Variants in MAP4K3 observed in about 807,000 individuals in gnomAD.
MAP4K3 encodes mitogen-activated protein kinase kinase kinase kinase 3.
In MAP4K3, 94 loss-of-function variants were observed where a neutral mutation model predicts 143.5. The observed-to-expected ratio is 0.65, with a 90% CI of 0.55 to 0.78. The LOEUF (loss-of-function observed/expected upper bound fraction) is 0.78. MAP4K3 is among the 30% of genes least tolerant of loss of function. The pLI, the probability that MAP4K3 is intolerant of heterozygous loss-of-function variation, is 0.00. For synonymous variants in MAP4K3, 416 were observed against 347.2 expected (o/e 1.20, Z -2.20); for missense variants, 1,077 against 1,068.1 (o/e 1.01, Z -0.12).
At chr2:39,353,525 G>C (rs972174716) in intron 3 of MAP4K3, among the ~76,000 whole-genome samples, 3 of 152,046 alleles carry the variant, frequency 2.0e-5, no homozygotes, top group African/African-American at 7.2e-5. Context: ...ACTTTTGTCT[G>C]TTTTACTTTG....
chr2:39,431,299 A>AT (rs35795744), intron 1 of MAP4K3, among the ~76,000 whole-genome samples: 9 of 152,148 alleles, frequency 5.9e-5, no homozygotes, highest in Non-Finnish European at 7.4e-5. Context: ...ATCAGAAAGC[A>AT]TTTTTTTGTG....
chr2:39,280,143 A>T (rs920585814), intron 23 of MAP4K3, 129 bp downstream of exon 23: 3 of 397,158 alleles, frequency 7.6e-6, no homozygotes, highest in Non-Finnish European at 1.4e-5. Context: ...ACCTTAAAAT[A>T]AAAAAAAAAT....
Position 39,304,514 on chromosome 2 carries a change from C to T in MAP4K3, c.1119+3429G>A, listed in dbSNP as rs1037400086. Among the ~76,000 whole-genome samples, 6 of 152,228 alleles carry T rather than the reference C, an allele frequency of 3.9e-5. No individual in the cohort carries two copies. The South Asian group carries it at 8.3e-4, about 21-fold the overall frequency. ...CAGAAATAACTATGGCTACTTTATA[C>T]CCATTAGGATAGCTATTATCGAAAG... On this transcript the variant is annotated intron_variant, in intron 15 of 33. Transcript: ENST00000263881.
chr2:39,281,529 G>A (rs189321068), intron 22 of MAP4K3, among the ~76,000 whole-genome samples: 44 of 152,096 alleles, frequency 2.9e-4, no homozygotes, highest in African/African-American at 9.9e-4. Context: ...TCTGTGTTAG[G>A]GTACTGCTAA....
intron 8 of MAP4K3, among the ~76,000 whole-genome samples, chr2:39,326,521 T>C (rs1683494855): frequency 6.6e-6 from 1 of 152,188 alleles, no homozygotes; most frequent in South Asian, 2.1e-4. Context: ...TGCCTTGCCT[T>C]GCCTCAGACG....
intron 1 of MAP4K3, among the ~76,000 whole-genome samples, chr2:39,383,879 C>CAG (rs1666417644): frequency 6.6e-6 from 1 of 152,006 alleles, no homozygotes; most frequent in Admixed American, 6.5e-5. Flanking sequence ...CAAAAGTGGG[C>CAG]AGATCGCTTG....
chr2:39,402,169 T>C lies in MAP4K3; in HGVS notation c.97-24046A>G, dbSNP rs993438932. Among the ~76,000 whole-genome samples, 3 of 151,960 alleles carry C rather than the reference T, an allele frequency of 2.0e-5. No individual in the cohort carries two copies. The East Asian group carries it at 5.8e-4, about 29-fold the overall frequency. On this transcript the variant is annotated intron_variant, in intron 1 of 33. Coordinates refer to ENST00000263881, the MANE Select transcript of MAP4K3 (RefSeq NM_003618.4). ...TAAAATAACTGAGATTAAACTACAA[T>C]GGATAGAATAAGAGCAGATCAGACA...
chr2:39,376,069 A>G (rs1027427895), intron 2 of MAP4K3, among the ~76,000 whole-genome samples: 2 of 152,244 alleles, frequency 1.3e-5, no homozygotes, highest in Non-Finnish European at 2.9e-5. Flanking sequence ...CAGATATGCA[A>G]GAGTAGAATT....
At chr2:39,266,862 GGT>G (rs1680786920) in intron 27 of MAP4K3, among the ~76,000 whole-genome samples, 2 of 151,546 alleles carry the variant, frequency 1.3e-5, no homozygotes, top group African/African-American at 4.9e-5. Context: ...AATGGTGAAT[GGT>G]ACGTAACAGG....
chr2:39,388,003 C>G (rs900915922), intron 1 of MAP4K3, among the ~76,000 whole-genome samples: 1 of 152,182 alleles, frequency 6.6e-6, no homozygotes, highest in Non-Finnish European at 1.5e-5. Flanking sequence ...AGAGTACAGA[C>G]AGTTCCAACA....
chr2:39,262,750 T>C (rs1485308524), intron 28 of MAP4K3, among the ~76,000 whole-genome samples: 3 of 152,204 alleles, frequency 2.0e-5, no homozygotes, highest in Non-Finnish European at 2.9e-5. Flanking sequence ...GTGCCTTGCC[T>C]GCAATAGGTA....
At chr2:39,366,404 G>T (rs1313904480) in intron 2 of MAP4K3, among the ~76,000 whole-genome samples, 7 of 152,134 alleles carry the variant, frequency 4.6e-5, no homozygotes, top group Non-Finnish European at 7.4e-5. Flanking sequence ...GGAGACCAAG[G>T]TTTTATCATG....
intron 3 of MAP4K3, among the ~76,000 whole-genome samples, chr2:39,353,908 T>C (rs1665531635): frequency 6.6e-6 from 1 of 152,164 alleles, no homozygotes; most frequent in African/African-American, 2.4e-5. Flanking sequence ...GTTTTATAGA[T>C]GAGGAAACAG....
At chr2:39,295,855 A>G (rs1682261030) in intron 16 of MAP4K3, among the ~76,000 whole-genome samples, 2 of 151,564 alleles carry the variant, frequency 1.3e-5, no homozygotes, top group Non-Finnish European at 2.9e-5. Context: ...AGTAGCTAGG[A>G]TTACAGGCGT....
At chr2:39,262,012 T>A (rs2148441777) in intron 28 of MAP4K3, among the ~76,000 whole-genome samples, 1 of 152,284 alleles carries the variant, frequency 6.6e-6, no homozygotes, top group Non-Finnish European at 1.5e-5. Flanking sequence ...TTAAAAAAAA[T>A]ACCACTCTCA....
chr2:39,366,562 C>A (rs531054822), intron 2 of MAP4K3, among the ~76,000 whole-genome samples: 4 of 152,136 alleles, frequency 2.6e-5, no homozygotes, highest in Non-Finnish European at 5.9e-5. Context: ...GGGAAGAGGG[C>A]GTAGTTCCAC....
chr2:39,267,878 A>T (rs1680831391), intron 26 of MAP4K3, among the ~76,000 whole-genome samples: 1 of 152,086 alleles, frequency 6.6e-6, no homozygotes, highest in East Asian at 1.9e-4. Context: ...TTTTGCCCCC[A>T]CTGATTCAAC....
At chr2:39,343,502 T>C (rs781059562) in intron 3 of MAP4K3, 50 bp from the exon 4 acceptor site, 1 of 1,447,536 alleles carries the variant, frequency 6.9e-7, no homozygotes, top group South Asian at 1.2e-5. Context: ...TAAAACTGTC[T>C]GTGTGAGGTA....
At chr2:39,359,393 G>A (rs972917608) in intron 2 of MAP4K3, among the ~76,000 whole-genome samples, 2 of 152,190 alleles carry the variant, frequency 1.3e-5, no homozygotes, top group African/African-American at 4.8e-5. Flanking sequence ...CTGTAGCTTT[G>A]CAGGGTACAG....
Sources: gnomAD v4.1 joint callset for allele counts (sites outside exome capture counted in the v4.1 genomes callset) on GRCh38, gnomAD v4.1.1 for gene constraint, MANE v1.5 for transcripts, NCBI Gene and HGNC (gene_info 2026-07-23, HGNC 2026-07-21) for gene names.